DCC: variants seen among roughly 807,000 people sequenced by gnomAD.
The protein encoded by DCC is netrin receptor DCC.
Under a neutral mutation model 172.5 loss-of-function variants are expected in DCC, and 58 were observed. The ratio of observed to expected loss-of-function variants is 0.34; its 90% CI spans 0.27 to 0.42. The LOEUF is 0.42. DCC is among the 10% of genes least tolerant of loss of function. The probability of loss-of-function intolerance (pLI) is 1.00; values close to 1 mark genes in which losing one functional copy is unlikely to be tolerated. For synonymous variants in DCC, 709 were observed against 644.5 expected, an observed-to-expected ratio of 1.10 and a Z score of -1.52; for missense variants, 1,740 against 1,791.0, an observed-to-expected ratio of 0.97 and a Z score of 0.51.
At chr18:52,447,608 T>C (rs1040795365) in intron 1 of DCC, among the ~76,000 whole-genome samples, 2 of 152,078 alleles carry the variant, frequency 1.3e-5, no homozygotes, top group African/African-American at 2.4e-5. Context: ...TGAGACTGGG[T>C]AATTTATAAA....
At chr18:52,340,952 G>C (rs1022425299) in intron 1 of DCC, 74 bp downstream of exon 1, 2 of 1,204,506 alleles carry the variant, frequency 1.7e-6, no homozygotes, top group Non-Finnish European at 2.5e-6. Context: ...CATTTGGCGA[G>C]TAGTAGAATT....
rs186612529 is a variant in DCC at position 52,819,805 on chromosome 18, G to A, written c.412+67431G>A. Among the ~76,000 whole-genome samples, 18 of 151,654 alleles carry A rather than the reference G, an allele frequency of 1.2e-4. 1 individual carries two copies. Among genetic ancestry groups the A allele is most frequent in the South Asian group, 6.3e-4 (3 of 4,798 alleles). On this transcript the variant is annotated intron_variant, in intron 2 of 28. Transcript: ENST00000442544. ...GCGATCTCTGCTCACTGCAAGCTCC[G>A]CCTCCTGGGTTCATGCCATTCTCCT... is the stretch of plus-strand genomic sequence containing the variant.
chr18:52,938,865 T>C (rs1381616326), intron 5 of DCC, among the ~76,000 whole-genome samples: 1 of 151,980 alleles, frequency 6.6e-6, no homozygotes, highest in Non-Finnish European at 1.5e-5. Context: ...CCCCACCTTA[T>C]CTCTTCCCCC....
At chr18:53,158,107 T>G (rs530677838) in intron 8 of DCC, among the ~76,000 whole-genome samples, 2 of 151,258 alleles carry the variant, frequency 1.3e-5, no homozygotes, top group South Asian at 4.3e-4. Flanking sequence ...ACATCTATTA[T>G]GTCCCCACGA....
At chr18:52,824,990 A>G (rs2038485054) in intron 2 of DCC, among the ~76,000 whole-genome samples, 1 of 151,354 alleles carries the variant, frequency 6.6e-6, no homozygotes, top group Non-Finnish European at 1.5e-5. Context: ...ATATGTCTTG[A>G]CTAAGACCAG....
chr18:53,031,762 T>C (rs1335300450), intron 5 of DCC, among the ~76,000 whole-genome samples: 2 of 152,158 alleles, frequency 1.3e-5, no homozygotes, highest in South Asian at 2.1e-4. Context: ...AATGATACTT[T>C]CTTGGGAAGG....
At chr18:52,542,697 GGTGTGGTGGTGCATGCCT>G (rs1177023622) in intron 1 of DCC, among the ~76,000 whole-genome samples, 6 of 152,182 alleles carry the variant, frequency 3.9e-5, no homozygotes, top group Non-Finnish European at 8.8e-5. Flanking sequence ...AATTTAGCTG[GGTGTGGTGGTGCATGCCT>G]GTAATCCCAG....
At chr18:53,026,120 C>G (rs555423827) in intron 5 of DCC, among the ~76,000 whole-genome samples, 1 of 151,692 alleles carries the variant, frequency 6.6e-6, no homozygotes, top group Non-Finnish European at 1.5e-5. Flanking sequence ...GAAGTCCTCC[C>G]CTACTCCATA....
intron 21 of DCC, among the ~76,000 whole-genome samples, chr18:53,417,712 G>A (rs1279699750): frequency 6.6e-6 from 1 of 152,110 alleles, no homozygotes. Flanking sequence ...TAGTTGAAAT[G>A]TCATTATTAG....
intron 1 of DCC, among the ~76,000 whole-genome samples, chr18:52,396,370 T>C (rs1411720243): frequency 8.2e-5 from 11 of 134,806 alleles, no homozygotes; most frequent in Non-Finnish European, 1.5e-4. Flanking sequence ...CAATTTGAGC[T>C]CCTCCTAATT....
rs1264460348 is a variant in DCC at position 53,529,034 on chromosome 18, TCTCTCACACACA to T, written c.4255-1528_4255-1517del. On this transcript the variant is annotated intron_variant, in intron 28 of 28. Transcript: ENST00000442544. The stretch of plus-strand genomic sequence containing the variant: ...CTCTCTCTCTCTCTCTCTCTCTCTC[TCTCTCACACACA>T]CACACACACACACACACACACACAC... Among the ~76,000 whole-genome samples the T allele has an allele frequency of 2.7e-3, 172 of 64,402 alleles. No individual in the cohort carries two copies. In the South Asian group the frequency reaches 0.031, roughly 12 times the overall value. The allele number at this position is 64,402 out of a possible 152,430, so 42.3% of individuals were successfully genotyped here.
intron 15 of DCC, 81 bp from the exon 16 acceptor site, chr18:53,385,962 T>C (rs986181192): frequency 2.1e-6 from 2 of 953,488 alleles, no homozygotes; most frequent in South Asian, 2.6e-5. Flanking sequence ...ATGAAATTTG[T>C]TTTGAGGAAA....
At chr18:53,404,696 A>G (rs2145041782) in intron 19 of DCC, among the ~76,000 whole-genome samples, 1 of 152,098 alleles carries the variant, frequency 6.6e-6, no homozygotes, top group Middle Eastern at 3.4e-3. Flanking sequence ...GCGCTACTGC[A>G]CTCCAGCCTG....
chr18:52,721,273 T>C (rs142483719), intron 1 of DCC, among the ~76,000 whole-genome samples: 1 of 152,204 alleles, frequency 6.6e-6, no homozygotes, highest in Non-Finnish European at 1.5e-5. Context: ...ATACTTGCAA[T>C]CTTTGTGATT....
chr18:53,023,287 T>A (rs2041906979), intron 5 of DCC, among the ~76,000 whole-genome samples: 1 of 150,528 alleles, frequency 6.6e-6, no homozygotes, highest in Non-Finnish European at 1.5e-5. Context: ...AGTAGTCGAC[T>A]GTTTCTAAAG....
At chr18:53,391,913 A>C (rs781140358) in intron 17 of DCC, 26 bp downstream of exon 17, 1 of 1,297,470 alleles carries the variant, frequency 7.7e-7, no homozygotes, top group Non-Finnish European at 1.1e-6. Context: ...ATAGCATGAA[A>C]TTTAAAATGA....
At chr18:52,513,127 A>G (rs2031500507) in intron 1 of DCC, among the ~76,000 whole-genome samples, 1 of 152,220 alleles carries the variant, frequency 6.6e-6, no homozygotes, top group South Asian at 2.1e-4. Context: ...TGAAGAGTCT[A>G]TTATAGTTCT....
At chr18:53,440,148 G>T (rs1912183305) in intron 22 of DCC, among the ~76,000 whole-genome samples, 1 of 152,146 alleles carries the variant, frequency 6.6e-6, no homozygotes, top group Non-Finnish European at 1.5e-5. Context: ...CTGGAAATGT[G>T]TTTTGTAGTT....
intron 2 of DCC, among the ~76,000 whole-genome samples, chr18:52,875,680 T>A (rs889843836): frequency 6.6e-6 from 1 of 152,196 alleles, no homozygotes; most frequent in Non-Finnish European, 1.5e-5. Flanking sequence ...TGCTCAGCCC[T>A]CATAAACCCT....
Sources: allele counts gnomAD v4.1 joint callset (sites outside exome capture counted in the v4.1 genomes callset), GRCh38; gene constraint gnomAD v4.1.1; transcripts MANE v1.5; gene names NCBI Gene and HGNC (gene_info 2026-07-23, HGNC 2026-07-21).